The following SYNE2 variants were observed in gnomAD, a reference collection of about 807,000 sequenced individuals.
The protein encoded by SYNE2 is nesprin-2.
A neutral mutation model predicts 856.3 loss-of-function variants in SYNE2; 431 were observed. That is an observed-to-expected ratio of 0.50 (90% confidence interval 0.47 to 0.55). The LOEUF is 0.55. SYNE2 is among the 20% of genes least tolerant of loss of function. The pLI is 0.00. For missense variants in SYNE2, 8,129 were observed against 8,023.2 expected (o/e 1.01, Z -0.50); for synonymous variants, 2,923 against 2,872.3 (o/e 1.02, Z -0.56).
At chr14:64,059,525 CAG>C (rs1595210779) in intron 49 of SYNE2, among the ~76,000 whole-genome samples, 2 of 152,334 alleles carry the variant, frequency 1.3e-5, no homozygotes, top group East Asian at 3.9e-4. Context: ...CCCAAACAAA[CAG>C]AATCTCTGTG....
Position 63,987,968 on chromosome 14 carries a change from A to G in SYNE2, c.2313+1351A>G, listed in dbSNP as rs372410237. ...GGTTTTTAAACAGAGTTGTATTTTT[A>G]TATGTAATACATTTATATTCATAGA... On this transcript the variant is annotated intron_variant, in intron 19 of 115. Transcript: ENST00000555002. 3.3e-5 allele frequency among the ~76,000 whole-genome samples: 5 copies of G among 152,350 alleles called. No homozygotes were observed. In the East Asian group the frequency reaches 7.7e-4, roughly 23 times the overall value.
intron 45 of SYNE2, among the ~76,000 whole-genome samples, chr14:64,033,405 G>T (rs2097057943): frequency 6.6e-6 from 1 of 152,018 alleles, no homozygotes; most frequent in Non-Finnish European, 1.5e-5. Flanking sequence ...TTGGCCAGGT[G>T]CAGTGGCTCA....
chr14:64,047,557 G>A (rs1296173118), intron 45 of SYNE2, among the ~76,000 whole-genome samples: 1 of 152,148 alleles, frequency 6.6e-6, no homozygotes, highest in Non-Finnish European at 1.5e-5. Context: ...ATCTGTCTAG[G>A]CATTTGGCTG....
At chr14:64,173,084 C>T (rs1403710038) in intron 94 of SYNE2, among the ~76,000 whole-genome samples, 2 of 152,156 alleles carry the variant, frequency 1.3e-5, no homozygotes, top group Non-Finnish European at 2.9e-5. Flanking sequence ...CAATCATTCT[C>T]CTTGGTGAGT....
chr14:63,945,104 CTTTT>C (rs34692882), intron 6 of SYNE2, among the ~76,000 whole-genome samples: 3,815 of 106,244 alleles, frequency 0.036, 219 homozygotes, highest in African/African-American at 0.12. Flanking sequence ...CACACCTGGC[CTTTT>C]TTTTTTTTTT....
intron 1 of SYNE2, among the ~76,000 whole-genome samples, chr14:63,796,845 C>T (rs768640536): frequency 2.6e-5 from 4 of 151,690 alleles, no homozygotes; most frequent in Admixed American, 2.6e-4. Flanking sequence ...TTTGGGAGGC[C>T]GAGGAAGGCA....
intron 79 of SYNE2, among the ~76,000 whole-genome samples, chr14:64,138,950 T>TATGTATG: frequency 2.0e-5 from 2 of 102,148 alleles, no homozygotes; most frequent in South Asian, 5.6e-4. Context: ...ATGTATGGTG[T>TATGTATG]GTGTGTGTGT....
At chr14:63,965,135 A>T (rs1167053674) in intron 10 of SYNE2, among the ~76,000 whole-genome samples, 1 of 151,134 alleles carries the variant, frequency 6.6e-6, no homozygotes. Flanking sequence ...GCTAATTTTT[A>T]TATTTTTAGT....
Position 63,983,889 on chromosome 14 carries a change from AAAATAATCATACTTT to A in SYNE2, c.2151+4_2151+18del. On this transcript the variant is annotated splice_donor_5th_base_variant and intron_variant, in intron 18 of 115. Coordinates refer to ENST00000555002, the MANE Select transcript of SYNE2 (RefSeq NM_182914.3). ...AAAATTATAATCAAAATATAAAGGT[AAAATAATCATACTTT>A]GTATATTTCACTTGCAAATAGAAAT... The A allele has an allele frequency of 6.7e-7, 1 of 1,492,884 alleles. No individual in the cohort carries two copies. The highest frequency in any genetic ancestry group is 9.3e-7 in the Non-Finnish European group (1 of 1,079,812). The allele number at this position is 1,492,884 out of a possible 1,614,324, so 92.5% of individuals were successfully genotyped here.
intron 47 of SYNE2, 105 bp from the exon 48 acceptor site, chr14:64,051,452 C>T: frequency 2.7e-6 from 3 of 1,118,494 alleles, no homozygotes; most frequent in Non-Finnish European, 3.8e-6. Context: ...CTAATTTTTT[C>T]TGTGAATTTA....
intron 1 of SYNE2, among the ~76,000 whole-genome samples, chr14:63,831,479 A>AT: frequency 7.4e-6 from 1 of 135,310 alleles, no homozygotes; most frequent in South Asian, 2.3e-4. Flanking sequence ...TGATTCTTCT[A>AT]TTTTTTTCTT....
At position 64,003,113 on chromosome 14, in the gene SYNE2, G is replaced by C. The variant is rs1299205506; in HGVS notation, c.4180G>C (p.Gly1394Arg). ...TATGAGCTTTAAAGATGCTGAACGG[G>C]GTGATGACACCTCCTGTGAAAACCT... ...LDMSFKDAER[G>R]DDTSCENLLD... The change falls in exon 30 of 116, where the codon GGT (glycine) becomes CGT (arginine). Residue 1394 changes from glycine (G) to arginine (R), a missense_variant. Physicochemically the swap from Gly to Arg is moderately radical, Grantham distance 125. Coordinates refer to ENST00000555002, the MANE Select transcript of SYNE2 (RefSeq NM_182914.3). The C allele has an allele frequency of 3.1e-6, 5 of 1,614,088 alleles. No individual in the cohort carries two copies. The Middle Eastern group carries it at 6.6e-4, about 213-fold the overall frequency.
intron 6 of SYNE2, among the ~76,000 whole-genome samples, chr14:63,948,772 A>ATGTG (rs1327891000): frequency 5.5e-5 from 3 of 54,892 alleles, no homozygotes; most frequent in Admixed American, 2.4e-4. Context: ...ATATATATGT[A>ATGTG]TGTGTGTGTG....
intron 74 of SYNE2, among the ~76,000 whole-genome samples, chr14:64,128,763 TATC>T (rs2097977242): frequency 6.6e-6 from 1 of 152,230 alleles, no homozygotes; most frequent in Non-Finnish European, 1.5e-5. Context: ...CATTTTCACT[TATC>T]AACCATGACA....
Position 64,132,428 on chromosome 14 carries a change from G to C in SYNE2, c.14504G>C (p.Ser4835Thr). The C allele has an allele frequency of 6.2e-7, 1 of 1,614,188 alleles. No individual in the cohort carries two copies. The highest frequency in any genetic ancestry group is 8.5e-7 in the Non-Finnish European group (1 of 1,180,020). ...CGCCAATGTGGTATGAAGCTGCAGA[G>C]TTTGTTGCAGGTATTTGGGTTATGT... ...KSRQCGMKLQ[S>T]LLQKWEEFDE... The change falls in exon 77 of 116, where the codon AGT (serine) becomes ACT (threonine). Residue 4835 changes from serine (S) to threonine (T), a missense_variant. This residue lies in a region of SYNE2 where 5,410 missense variants were observed against 5,284.8 expected (regional missense o/e 1.02). Coordinates refer to ENST00000555002, the MANE Select transcript of SYNE2 (RefSeq NM_182914.3).
chr14:63,926,294 A>G (rs1279566524), intron 2 of SYNE2, among the ~76,000 whole-genome samples: 1 of 141,908 alleles, frequency 7.0e-6, no homozygotes, highest in Non-Finnish European at 1.5e-5. Flanking sequence ...GAATTTCCCT[A>G]TTTTGGGCAT....
At chr14:63,894,585 A>G (rs533983855) in intron 1 of SYNE2, among the ~76,000 whole-genome samples, 1 of 152,106 alleles carries the variant, frequency 6.6e-6, no homozygotes, top group Non-Finnish European at 1.5e-5. Context: ...GTAGATAAAA[A>G]TACACTGCAG....
intron 36 of SYNE2, 97 bp downstream of exon 36, chr14:64,021,612 A>C: frequency 2.7e-6 from 4 of 1,483,314 alleles, no homozygotes; most frequent in Non-Finnish European, 3.7e-6. Context: ...AGAAAAAAAA[A>C]GTCGAAGAAG....
chr14:63,847,541 T>C (rs1253125099), intron 1 of SYNE2, among the ~76,000 whole-genome samples: 1 of 152,144 alleles, frequency 6.6e-6, no homozygotes, highest in Non-Finnish European at 1.5e-5. Context: ...TAGCCAATTT[T>C]CATTGCTGAC....
Sources: gnomAD v4.1 joint callset for allele counts (sites outside exome capture counted in the v4.1 genomes callset) on GRCh38, gnomAD v4.1.1 for gene constraint, gnomAD v4.1.1 regional missense constraint, MANE v1.5 for transcripts, NCBI Gene and HGNC (gene_info 2026-07-23, HGNC 2026-07-21) for gene names.